The following ESR1 variants were observed in gnomAD, a reference collection of about 807,000 sequenced individuals.
The protein encoded by ESR1 is estrogen receptor.
A neutral mutation model predicts 52.7 loss-of-function variants in ESR1; 12 were observed. That is an observed-to-expected ratio of 0.23 (90% CI 0.15 to 0.37). The LOEUF is 0.37. ESR1 is among the 10% of genes least tolerant of loss of function. The probability of loss-of-function intolerance (pLI) is 1.00; values close to 1 mark genes in which losing one functional copy is unlikely to be tolerated. For synonymous variants in ESR1, 305 were observed against 316.8 expected (o/e 0.96, Z 0.39); for missense variants, 584 against 779.7 (o/e 0.75, Z 2.99).
At chr6:151,977,455 A>AAC (rs1203928446) in intron 4 of ESR1, among the ~76,000 whole-genome samples, 1 of 151,536 alleles carries the variant, frequency 6.6e-6, no homozygotes, top group East Asian at 1.9e-4. Flanking sequence ...AAAAAAAAAA[A>AAC]AAAATCCATA....
intron 2 of ESR1, among the ~76,000 whole-genome samples, chr6:151,713,571 G>A (rs916769621): frequency 7.2e-5 from 11 of 152,112 alleles, no homozygotes; most frequent in African/African-American, 1.2e-4. Context: ...TCTTGGGAGG[G>A]CGTATGTGTC....
chr6:151,869,449 G>C, intron 2 of ESR1, among the ~76,000 whole-genome samples: 1 of 152,190 alleles, frequency 6.6e-6, no homozygotes, highest in East Asian at 1.9e-4. Flanking sequence ...TGAGCCCTGA[G>C]AAGCATTACT....
intron 1 of ESR1, among the ~76,000 whole-genome samples, chr6:151,823,903 G>T (rs1042924805): frequency 6.6e-6 from 1 of 152,258 alleles, no homozygotes; most frequent in Admixed American, 6.5e-5. Flanking sequence ...CCAAGTCTTT[G>T]TTATTGTGTA....
downstream of ESR1, among the ~76,000 whole-genome samples, chr6:152,105,456 T>G (rs2051052912): frequency 6.6e-6 from 1 of 151,268 alleles, no homozygotes; most frequent in Admixed American, 6.6e-5. Flanking sequence ...GATGGAGTTT[T>G]GTTCTGTCAC....
intron 4 of ESR1, among the ~76,000 whole-genome samples, chr6:151,953,073 AT>A (rs1249332003): frequency 6.6e-6 from 1 of 152,158 alleles, no homozygotes; most frequent in Non-Finnish European, 1.5e-5. Context: ...TGACTATAGT[AT>A]AGCTGCGTTC....
chr6:151,722,215 G>C (rs1781510370), intron 2 of ESR1, among the ~76,000 whole-genome samples: 1 of 152,228 alleles, frequency 6.6e-6, no homozygotes, highest in African/African-American at 2.4e-5. Flanking sequence ...AGGAGTGAAG[G>C]CTTGTGCTTC....
At chr6:151,840,716 A>C (rs535086518) in intron 1 of ESR1, among the ~76,000 whole-genome samples, 48 of 152,330 alleles carry the variant, frequency 3.2e-4, no homozygotes, top group African/African-American at 1.1e-3. Context: ...TTCCTTTGCC[A>C]AGAGACCCTG....
intron 4 of ESR1, among the ~76,000 whole-genome samples, chr6:151,971,077 C>T (rs112631592): frequency 1.7e-3 from 260 of 152,244 alleles, no homozygotes; most frequent in African/African-American, 5.7e-3. Context: ...ATCTTATACA[C>T]CATAGATAAT....
intron 5 of ESR1, among the ~76,000 whole-genome samples, chr6:152,051,052 C>G (rs1199512933): frequency 2.0e-5 from 3 of 152,186 alleles, no homozygotes; most frequent in African/African-American, 4.8e-5. Context: ...GCATCTTAGA[C>G]TAGAAGCTCC....
chr6:151,951,801 C>G (rs963941886), intron 4 of ESR1, among the ~76,000 whole-genome samples: 1 of 152,232 alleles, frequency 6.6e-6, no homozygotes, highest in Non-Finnish European at 1.5e-5. Flanking sequence ...AACAAACTAG[C>G]CGTTTTCCTC....
At chr6:151,905,710 A>C (rs183024757) in intron 3 of ESR1, among the ~76,000 whole-genome samples, 2 of 152,336 alleles carry the variant, frequency 1.3e-5, no homozygotes, top group East Asian at 3.9e-4. Context: ...ATTTGGGCAT[A>C]TAAGAATTTA....
chr6:152,011,826 A>G (rs2128779872), intron 5 of ESR1, 32 bp downstream of exon 5: 1 of 1,609,934 alleles, frequency 6.2e-7, no homozygotes, highest in Non-Finnish European at 8.5e-7. Flanking sequence ...TAGGAGTAGC[A>G]TGTTCTTTAC....
upstream of ESR1, among the ~76,000 whole-genome samples, chr6:151,800,902 A>G (rs9478244): frequency 0.35 from 52,970 of 151,936 alleles, 12,104 homozygotes; most frequent in African/African-American, 0.64. Flanking sequence ...GAGAATGGGA[A>G]GGTGCCGTGG....
At chr6:151,964,562 T>C (rs1380153113) in intron 4 of ESR1, among the ~76,000 whole-genome samples, 1 of 152,192 alleles carries the variant, frequency 6.6e-6, no homozygotes, top group Non-Finnish European at 1.5e-5. Flanking sequence ...GTTTTAACAG[T>C]TTTTTGATAA....
At position 151,876,712 on chromosome 6, in the gene ESR1, C is replaced by T. The variant is rs201718851; in HGVS notation, c.644-3943C>T. Among the ~76,000 whole-genome samples, 15 of 152,260 alleles carry T rather than the reference C, an allele frequency of 9.9e-5. No homozygotes were observed. The East Asian group carries it at 1.2e-3, about 12-fold the overall frequency. On this transcript the variant is annotated intron_variant, in intron 2 of 7. Transcript: ENST00000206249. Reference sequence around the variant, plus strand: ...CCTACTGAGAGGCGTTTTCTCTCCCCGCTTCCTGTCTTTCTGGTTCCATCT... The same window carrying T: ...CCTACTGAGAGGCGTTTTCTCTCCCTGCTTCCTGTCTTTCTGGTTCCATCT...
At chr6:151,797,234 C>T (rs1776798929) in intron 2 of ESR1, among the ~76,000 whole-genome samples, 1 of 152,224 alleles carries the variant, frequency 6.6e-6, no homozygotes, top group Non-Finnish European at 1.5e-5. Context: ...GATTGGAAAA[C>T]ATTTGTTTGA....
rs1398325542 is a variant in ESR1, at chr6:151,850,027, A to ATT, written c.643+7241_643+7242dup. On this transcript the variant is annotated intron_variant, in intron 2 of 7. Transcript: ENST00000206249. ...ATATAATTTTGTATATATATACAAA[A>ATT]TTATATATATATATAATTTTATATA... is the stretch of plus-strand genomic sequence containing the variant. Among the ~76,000 whole-genome samples, 83 of 68,758 alleles carry ATT rather than the reference A, an allele frequency of 1.2e-3. No homozygotes were observed. The East Asian group carries it at 0.026, about 21-fold the overall frequency. The allele number at this position is 68,758 out of a possible 152,430, so 45.1% of individuals were successfully genotyped here.
intron 1 of ESR1, among the ~76,000 whole-genome samples, chr6:151,660,392 C>G (rs1224230670): frequency 6.6e-6 from 1 of 152,240 alleles, no homozygotes; most frequent in Non-Finnish European, 1.5e-5. Context: ...AACTCAACTT[C>G]TGCCACTTGT....
At chr6:152,023,102 G>C (rs540944580) in intron 5 of ESR1, among the ~76,000 whole-genome samples, 21 of 152,146 alleles carry the variant, frequency 1.4e-4, no homozygotes, top group African/African-American at 5.1e-4. Flanking sequence ...TTTCTAAAGG[G>C]AGCATTTTTA....
Sources: gnomAD v4.1 joint callset for allele counts (sites outside exome capture counted in the v4.1 genomes callset) on GRCh38, gnomAD v4.1.1 for gene constraint, MANE v1.5 for transcripts, NCBI Gene and HGNC (gene_info 2026-07-23, HGNC 2026-07-21) for gene names.